LRBA: variants seen among roughly 807,000 people sequenced by gnomAD.
LRBA encodes the protein lipopolysaccharide-responsive and beige-like anchor protein.
Under a neutral mutation model 330.0 loss-of-function variants are expected in LRBA, and 176 were observed. That is an observed-to-expected ratio of 0.53 (90% CI 0.47 to 0.60). The LOEUF (loss-of-function observed/expected upper bound fraction) is 0.60, where lower values mean the gene tolerates loss of function less well. Among genes scored for constraint, LRBA ranks in the 20% least tolerant of loss-of-function variants. LRBA has a pLI of 0.00. For synonymous variants in LRBA, 1,230 were observed against 1,193.0 expected, an observed-to-expected ratio of 1.03 and a Z score of -0.64; for missense variants, 3,259 against 3,444.8, an observed-to-expected ratio of 0.95 and a Z score of 1.35.
At chr4:150,514,226 C>A (rs1263246499) in intron 40 of LRBA, among the ~76,000 whole-genome samples, 1 of 152,190 alleles carries the variant, frequency 6.6e-6, no homozygotes, top group African/African-American at 2.4e-5. Flanking sequence ...GCATGTGCCA[C>A]CACGCCCAGC....
chr4:150,662,402 C>T (rs1302510193), intron 37 of LRBA, among the ~76,000 whole-genome samples: 1 of 152,182 alleles, frequency 6.6e-6, no homozygotes, highest in East Asian at 1.9e-4. Flanking sequence ...CCCACTCCCT[C>T]CCAAAGCACA....
In LRBA at chr4:150,325,799, T is replaced by A. The variant is rs1051244075; in HGVS notation, c.7452+10A>T. The A allele has an allele frequency of 1.3e-6, 2 of 1,586,012 alleles. No homozygotes were observed. The highest frequency in any genetic ancestry group is 2.2e-5 in the South Asian group (2 of 90,466). ...AGGCAAGAAATGAGGAGAGTAAAAA[T>A]AGCACTTACCACTTGCATGGCAGAA... On this transcript the variant is annotated intron_variant, in intron 49 of 56. Coordinates refer to ENST00000651943, the MANE Select transcript of LRBA (RefSeq NM_001364905.1).
intron 2 of LRBA, among the ~76,000 whole-genome samples, chr4:151,004,331 G>T (rs1299968671): frequency 6.6e-6 from 1 of 152,066 alleles, no homozygotes; most frequent in Non-Finnish European, 1.5e-5. Flanking sequence ...ACAAATATGG[G>T]TCACTTGAAT....
intron 44 of LRBA, among the ~76,000 whole-genome samples, chr4:150,442,094 T>C (rs1015058634): frequency 6.6e-6 from 1 of 152,162 alleles, no homozygotes; most frequent in African/African-American, 2.4e-5. Flanking sequence ...TTATTGAAGG[T>C]AAGAAAGTTC....
At chr4:150,634,115 C>T (rs1213973793) in intron 37 of LRBA, among the ~76,000 whole-genome samples, 1 of 152,080 alleles carries the variant, frequency 6.6e-6, no homozygotes, top group African/African-American at 2.4e-5. Context: ...AACTCCATCT[C>T]TGAATGGAGT....
At chr4:150,492,419 A>T (rs1358601584) in intron 40 of LRBA, among the ~76,000 whole-genome samples, 1 of 152,166 alleles carries the variant, frequency 6.6e-6, no homozygotes, top group African/African-American at 2.4e-5. Flanking sequence ...ACGCCTATGT[A>T]AAATAAAGGT....
chr4:150,946,341 C>T (rs1736242024), intron 2 of LRBA, among the ~76,000 whole-genome samples: 1 of 151,990 alleles, frequency 6.6e-6, no homozygotes. Context: ...TTTACAAGGG[C>T]CTATGGACTA....
At chr4:150,968,885 A>C (rs892260501) in intron 2 of LRBA, among the ~76,000 whole-genome samples, 1 of 152,224 alleles carries the variant, frequency 6.6e-6, no homozygotes, top group African/African-American at 2.4e-5. Context: ...TTAGGGGCTA[A>C]TGCAGCTGGT....
chr4:150,696,739 C>T (rs557673582), intron 36 of LRBA, among the ~76,000 whole-genome samples: 63 of 152,056 alleles, frequency 4.1e-4, no homozygotes, highest in South Asian at 3.5e-3. Flanking sequence ...GGCACAGTGG[C>T]TCATGTCTGT....
chr4:150,472,209 C>T (rs573223226), intron 42 of LRBA, among the ~76,000 whole-genome samples: 12 of 151,986 alleles, frequency 7.9e-5, no homozygotes, highest in African/African-American at 1.9e-4. Flanking sequence ...ACTATTTGGG[C>T]GTCTGTTCAT....
chr4:150,848,126 T>C (rs890566058), intron 26 of LRBA, among the ~76,000 whole-genome samples: 4 of 152,132 alleles, frequency 2.6e-5, no homozygotes, highest in African/African-American at 9.7e-5. Context: ...GCGATTCTGC[T>C]GCCTCAGCCT....
At chr4:150,976,286 G>T (rs1459985025) in intron 2 of LRBA, among the ~76,000 whole-genome samples, 1 of 151,284 alleles carries the variant, frequency 6.6e-6, no homozygotes, top group East Asian at 1.9e-4. Context: ...TTCTAATATA[G>T]CCTCACCATA....
rs1450303572 is a variant in LRBA, at chr4:150,620,921, T to C, written c.5922-21790A>G. Among the ~76,000 whole-genome samples, 6 of 152,148 alleles carry C rather than the reference T, an allele frequency of 3.9e-5. No homozygotes were observed. The South Asian group carries it at 1.2e-3, about 32-fold the overall frequency. On this transcript the variant is annotated intron_variant, in intron 37 of 56. Transcript: ENST00000651943. Reference sequence around the variant, plus strand: ...ACTTCACCTCTATACAATTCATCCATGTAACCACTTGTACTCCAAAAGTTG... The same window carrying C: ...ACTTCACCTCTATACAATTCATCCACGTAACCACTTGTACTCCAAAAGTTG...
Position 150,590,853 on chromosome 4 carries a change from T to A in LRBA, c.6053A>T (p.Asp2018Val), listed in dbSNP as rs891747847. Residue 2018 changes from aspartate to valine, a missense_variant, in exon 39 of 57, where the codon GAT becomes GTT. Transcript: ENST00000651943. Reference protein sequence around the residue: ...TLKTAVEHATDEDILAKGKQS... With the variant: ...TLKTAVEHATVEDILAKGKQS... Reference sequence around the variant, plus strand: ...TTTTCCTTTAGCAAGGATATCTTCATCTGTGGCTGAAATGAAAAGGAAACA... The same window carrying A: ...TTTTCCTTTAGCAAGGATATCTTCAACTGTGGCTGAAATGAAAAGGAAACA... The A allele has an allele frequency of 6.2e-7, 1 of 1,613,772 alleles. No individual in the cohort carries two copies. Among genetic ancestry groups the A allele is most frequent in the African/African-American group, 1.3e-5 (1 of 75,034 alleles).
At chr4:150,403,587 A>G (rs1269615532) in intron 47 of LRBA, among the ~76,000 whole-genome samples, 1 of 151,136 alleles carries the variant, frequency 6.6e-6, no homozygotes, top group Non-Finnish European at 1.5e-5. Context: ...TCTTTTTTTT[A>G]ACTTCAAACC....
chr4:150,857,215 C>T (rs1421732098), intron 22 of LRBA, among the ~76,000 whole-genome samples: 2 of 152,060 alleles, frequency 1.3e-5, no homozygotes, highest in African/African-American at 4.8e-5. Context: ...TATGTATTAT[C>T]AATGAGCATA....
chr4:150,416,286 A>C (rs887135093), intron 46 of LRBA, among the ~76,000 whole-genome samples: 10 of 152,254 alleles, frequency 6.6e-5, no homozygotes, highest in African/African-American at 2.4e-4. Context: ...TCTGTAGATC[A>C]GACTTGAAAT....
At chr4:150,691,096 A>AT (rs1165470957) in intron 36 of LRBA, among the ~76,000 whole-genome samples, 1 of 151,706 alleles carries the variant, frequency 6.6e-6, no homozygotes, top group Non-Finnish European at 1.5e-5. Flanking sequence ...TGCCCAGCTA[A>AT]TTTTTTGTAT....
At chr4:150,385,330 C>A (rs2151896938) in intron 47 of LRBA, among the ~76,000 whole-genome samples, 1 of 152,090 alleles carries the variant, frequency 6.6e-6, no homozygotes, top group South Asian at 2.1e-4. Flanking sequence ...TACAAAAAAT[C>A]TGCATTATAG....
Sources: allele counts gnomAD v4.1 joint callset (sites outside exome capture counted in the v4.1 genomes callset), GRCh38; gene constraint gnomAD v4.1.1; transcripts MANE v1.5; gene names NCBI Gene and HGNC (gene_info 2026-07-23, HGNC 2026-07-21).